Variants in TIGD1 observed in about 807,000 individuals in gnomAD.
TIGD1 encodes tigger transposable element derived 1.
TIGD1 carries 20 observed loss-of-function variants against 21.3 expected under a neutral mutation model. The observed-to-expected ratio is 0.94, with a 90% CI of 0.66 to 1.36. The LOEUF (loss-of-function observed/expected upper bound fraction) is 1.36. Ranked by LOEUF, TIGD1 falls within the 40% of genes most tolerant of loss-of-function variation. The probability of loss-of-function intolerance (pLI) is 0.00; values close to 1 mark genes in which losing one functional copy is unlikely to be tolerated. For missense variants in TIGD1, 556 were observed against 350.5 expected (o/e 1.59, Z -4.68); for synonymous variants, 177 against 123.2 (o/e 1.44, Z -2.89).
chr2:232,548,048 A>G lies in TIGD1; in HGVS notation c.*59T>C. On this transcript the variant is annotated 3_prime_UTR_variant, in exon 1 of 1. Transcript: ENST00000408957. ...CAGCAAGAGTGCAATAGCATTGTCT[A>G]ATAAAACAATATACATACCTAAATT... is the stretch of plus-strand genomic sequence containing the variant. 1 of 569,460 alleles carries G rather than the reference A, an allele frequency of 1.8e-6. No individual in the cohort carries two copies. The highest frequency in any genetic ancestry group is 3.1e-6 in the Non-Finnish European group (1 of 325,748). The allele number at this position is 569,460 out of a possible 1,614,324, so 35.3% of individuals were successfully genotyped here.
chr2:232,550,380 T>C lies in TIGD1; in HGVS notation c.-498A>G, dbSNP rs1692256966. ...CCGCACTGGAGGAAGAGGAAGGTTT[T>C]TACCAAGCAGCGAGTCCAGAGCCCG... On this transcript the variant is annotated 5_prime_UTR_variant, in exon 1 of 1. Transcript: ENST00000408957. The C allele has an allele frequency of 6.6e-6, 3 of 455,058 alleles. No homozygotes were observed. Among genetic ancestry groups the C allele is most frequent in the Non-Finnish European group, 1.2e-5 (3 of 247,794 alleles). The allele number at this position is 455,058 out of a possible 1,614,324, so 28.2% of individuals were successfully genotyped here.
chr2:232,547,894 G>A lies in TIGD1; in HGVS notation c.*213C>T. ...TCATGGGATCCATACAGCAACCTAA[G>A]GAGGTAGGTCGAGGCATACCTCAAA... On this transcript the variant is annotated 3_prime_UTR_variant, in exon 1 of 1. Transcript: ENST00000408957. 2.4e-6 allele frequency: 1 copy of A among 411,146 alleles called. No individual in the cohort carries two copies. Among genetic ancestry groups the A allele is most frequent in the Non-Finnish European group, 4.3e-6 (1 of 234,662 alleles). The allele number at this position is 411,146 out of a possible 1,614,324, so 25.5% of individuals were successfully genotyped here.
Position 232,550,027 on chromosome 2 carries a change from C to T in TIGD1, c.-145G>A. 3 of 517,660 alleles carry T rather than the reference C, an allele frequency of 5.8e-6. No homozygotes were observed. The highest frequency in any genetic ancestry group is 3.2e-5 in the East Asian group (1 of 31,046). 32.1% of individuals were successfully genotyped at this position (517,660 alleles called of 1,614,324 possible). Reference sequence around the variant, plus strand: ...ATTAAGTTCCACGTCTTATAAAAGACGCTGTATGTGGCACCCCAAAACAAT... The same window carrying T: ...ATTAAGTTCCACGTCTTATAAAAGATGCTGTATGTGGCACCCCAAAACAAT... On this transcript the variant is annotated 5_prime_UTR_variant, in exon 1 of 1. Coordinates refer to ENST00000408957, the MANE Select transcript of TIGD1 (RefSeq NM_145702.4).
Position 232,549,117 on chromosome 2 carries a change from G to A in TIGD1, c.766C>T (p.Pro256Ser). ...TTGCTGTTCCATTTATATAGCACGG[G>A]TAGAGTAGATTTAGTATAATTCTTA... ...ALKNYTKSTLPVLYKWNSKAR... is the reference protein window; with the variant it reads ...ALKNYTKSTLSVLYKWNSKAR... The change falls in exon 1 of 1, where the codon CCC (proline) becomes TCC (serine). Residue 256 changes from proline to serine, a missense_variant. By Grantham distance (74) the Pro-to-Ser change is moderately conservative (BLOSUM62 -1). Transcript: ENST00000408957. The A allele has an allele frequency of 1.4e-6, 1 of 716,070 alleles. No homozygotes were observed. Among genetic ancestry groups the A allele is most frequent in the Non-Finnish European group, 2.6e-6 (1 of 384,812 alleles). 44.4% of individuals were successfully genotyped at this position (716,070 alleles called of 1,614,324 possible). A position where few individuals can be genotyped will look rare whatever the true frequency, so the allele number is the denominator to read the frequency against.
chr2:232,546,308 CTTTTTTTTTT>C lies in TIGD1; in HGVS notation c.*1789_*1798del, dbSNP rs57021172. On this transcript the variant is annotated 3_prime_UTR_variant, in exon 1 of 1. Coordinates refer to ENST00000408957, the MANE Select transcript of TIGD1 (RefSeq NM_145702.4). ...ACGATTTCCTGAGTTTTGTAATCCTCTTTTTTTTTTTTTTTTTTTTAGTTTTTGATGTGTT... is the reference window on the plus strand; with the variant it reads ...ACGATTTCCTGAGTTTTGTAATCCTCTTTTTTTTTTAGTTTTTGATGTGTT... 2 of 94,708 alleles carry C rather than the reference CTTTTTTTTTT, an allele frequency of 2.1e-5. No individual in the cohort carries two copies. The highest frequency in any genetic ancestry group is 7.7e-5 in the African/African-American group (2 of 26,116). 5.9% of individuals were successfully genotyped at this position (94,708 alleles called of 1,614,324 possible). A position where few individuals can be genotyped will look rare whatever the true frequency, so the allele number is the denominator to read the frequency against.
At position 232,549,663 on chromosome 2, in the gene TIGD1, T is replaced by G. The variant is rs1263394089; in HGVS notation, c.220A>C (p.Lys74Gln). ...ATPMNTRMIR[K>Q]RNSLIADMEK... ...ATATCAGCAATAAGGCTGTTTCGCT[T>G]TCTTATCATTCGTGTGTTCATTGGA... The change falls in exon 1 of 1, where the codon AAG becomes CAG. Residue 74 changes from lysine to glutamine, a missense_variant. Physicochemically the swap from Lys to Gln is moderately conservative, Grantham distance 53 (BLOSUM62 1). Coordinates refer to ENST00000408957, the MANE Select transcript of TIGD1 (RefSeq NM_145702.4). 1 of 727,006 alleles carries G rather than the reference T, an allele frequency of 1.4e-6. No individual in the cohort carries two copies. The highest frequency in any genetic ancestry group is 2.5e-6 in the Non-Finnish European group (1 of 396,304). 45.0% of individuals were successfully genotyped at this position (727,006 alleles called of 1,614,324 possible). A position where few individuals can be genotyped will look rare whatever the true frequency, so the allele number is the denominator to read the frequency against.
Position 232,547,271 on chromosome 2 carries a change from A to G in TIGD1, c.*836T>C, listed in dbSNP as rs1424952213. ...GCCTCTACCAAAAAATACAAAACTT[A>G]GCTGGGCGTGGTGATGCATGCCTGT... On this transcript the variant is annotated 3_prime_UTR_variant, in exon 1 of 1. Coordinates refer to ENST00000408957, the MANE Select transcript of TIGD1 (RefSeq NM_145702.4). 6.6e-6 allele frequency among the ~76,000 whole-genome samples: 1 copy of G among 152,016 alleles called. No homozygotes were observed. Among genetic ancestry groups the G allele is most frequent in the Non-Finnish European group, 1.5e-5 (1 of 68,014 alleles).
rs4973541 is a variant in TIGD1 at position 232,549,950 on chromosome 2, G to A, written c.-68C>T. 175,080 of 883,264 alleles carry A rather than the reference G, an allele frequency of 0.2. 17,959 individuals are homozygous for A. Among genetic ancestry groups the A allele is most frequent in the Middle Eastern group, 0.25 (705 of 2,848 alleles). 54.7% of individuals were successfully genotyped at this position (883,264 alleles called of 1,614,324 possible). Reference sequence around the variant, plus strand: ...CAGGGAATAGGGAGGCCCAAGAAGAGGGAGAGAGATGGGGAACGGTCTGTG... The same window carrying A: ...CAGGGAATAGGGAGGCCCAAGAAGAAGGAGAGAGATGGGGAACGGTCTGTG... On this transcript the variant is annotated 5_prime_UTR_variant, in exon 1 of 1. Transcript: ENST00000408957.
Position 232,548,210 on chromosome 2 carries a change from G to C in TIGD1, c.1673C>G (p.Pro558Arg). ...MSYFRKLPQPPQPSAATTLTS... is the reference protein window; with the variant it reads ...MSYFRKLPQPRQPSAATTLTS... ...CAGGGTGGTGGCTGCTGAAGGTTGG[G>C]GTGGCTGTGGCAATTTCCTAAAATA... is the stretch of plus-strand genomic sequence containing the variant. Residue 558 changes from proline to arginine, a missense_variant, in exon 1 of 1, where the codon CCC becomes CGC. By Grantham distance (103) the Pro-to-Arg change is moderately radical (BLOSUM62 -2). Transcript: ENST00000408957. 1 of 1,540,264 alleles carries C rather than the reference G, an allele frequency of 6.5e-7. No homozygotes were observed. The highest frequency in any genetic ancestry group is 8.7e-7 in the Non-Finnish European group (1 of 1,145,942).
In TIGD1 at chr2:232,550,511, A is replaced by C. The variant is rs1366442299; in HGVS notation, c.-629T>G. The stretch of plus-strand genomic sequence containing the variant: ...GGGTCACAAGGACCTGGACAGAGGC[A>C]GAACTGAGGCCAGCAGCCAGCTCCG... On this transcript the variant is annotated 5_prime_UTR_variant, in exon 1 of 1. Transcript: ENST00000408957. The C allele has an allele frequency of 3.3e-6, 2 of 614,202 alleles. No individual in the cohort carries two copies. The highest frequency in any genetic ancestry group is 3.2e-5 in the Admixed American group (1 of 30,870). 38.0% of individuals were successfully genotyped at this position (614,202 alleles called of 1,614,324 possible). A position where few individuals can be genotyped will look rare whatever the true frequency, so the allele number is the denominator to read the frequency against.
Position 232,546,037 on chromosome 2 carries a change from G to C in TIGD1, c.*2070C>G. The C allele has an allele frequency of 2.2e-6, 1 of 457,372 alleles. No individual in the cohort carries two copies. The highest frequency in any genetic ancestry group is 2.0e-5 in the South Asian group (1 of 49,162). The allele number at this position is 457,372 out of a possible 1,614,324, so 28.3% of individuals were successfully genotyped here. A position where few individuals can be genotyped will look rare whatever the true frequency, so the allele number is the denominator to read the frequency against. On this transcript the variant is annotated 3_prime_UTR_variant, in exon 1 of 1. Coordinates refer to ENST00000408957, the MANE Select transcript of TIGD1 (RefSeq NM_145702.4). ...CATTATTCATTCCCATCAGTCTGAA[G>C]CCCGAAGGACTGTTTTGTATAATAC...
rs1051159388 is a variant in TIGD1 at position 232,549,544 on chromosome 2, G to A, written c.339C>T (p.Phe113=). The change falls in exon 1 of 1, where the codon TTC becomes TTT. Residue 113 remains phenylalanine (F), a synonymous_variant. Transcript: ENST00000408957. ...SLIQNKALTL[F]NSMKAERGVE... is the part of the protein sequence containing the mutation. ...CACCTCTCTCAGCTTTCATAGAGTT[G>A]AAGAGAGTTAGGGCTTTGTTCTGGA... 1 of 674,098 alleles carries A rather than the reference G, an allele frequency of 1.5e-6. No individual in the cohort carries two copies. Among genetic ancestry groups the A allele is most frequent in the East Asian group, 2.7e-5 (1 of 37,218 alleles). 41.8% of individuals were successfully genotyped at this position (674,098 alleles called of 1,614,324 possible). A position where few individuals can be genotyped will look rare whatever the true frequency, so the allele number is the denominator to read the frequency against.
At position 232,544,992 on chromosome 2, in the gene TIGD1, G is replaced by C; in HGVS notation, c.*3115C>G. ...AGGATGAGTGGGGTTGCCAAGATAG[G>C]GCAGTGGGATGGAAAAACATGAGGC... On this transcript the variant is annotated 3_prime_UTR_variant, in exon 1 of 1. Coordinates refer to ENST00000408957, the MANE Select transcript of TIGD1 (RefSeq NM_145702.4). 6.4e-7 allele frequency: 1 copy of C among 1,551,562 alleles called. No individual in the cohort carries two copies.
rs746328706 is a variant in TIGD1, at chr2:232,545,512, T to C, written c.*2595A>G. 9 of 1,607,412 alleles carry C rather than the reference T, an allele frequency of 5.6e-6. No homozygotes were observed. Among genetic ancestry groups the C allele is most frequent in the Non-Finnish European group, 7.6e-6 (9 of 1,176,654 alleles). ...CCCAGGGAAGACCTGGTGCCGCCGC[T>C]GGTTATCCCACACCTGCCTCCCACC... On this transcript the variant is annotated 3_prime_UTR_variant, in exon 1 of 1. Transcript: ENST00000408957.
rs1023305722 is a variant in TIGD1 at position 232,549,694 on chromosome 2, A to G, written c.189T>C (p.Ser63=). 1 of 770,214 alleles carries G rather than the reference A, an allele frequency of 1.3e-6. No homozygotes were observed. Among genetic ancestry groups the G allele is most frequent in the Non-Finnish European group, 2.3e-6 (1 of 434,262 alleles). The allele number at this position is 770,214 out of a possible 1,614,324, so 47.7% of individuals were successfully genotyped here. A position where few individuals can be genotyped will look rare whatever the true frequency, so the allele number is the denominator to read the frequency against. Residue 63 remains serine (S), a synonymous_variant, in exon 1 of 1, where the codon AGT becomes AGC. Transcript: ENST00000408957. ...AKEKFLKEVK[S]ATPMNTRMIR... is the part of the protein sequence containing the mutation. ...TCATTCGTGTGTTCATTGGAGTAGC[A>G]CTTTTAACTTCCTTCAAGAACTTTT... is the stretch of plus-strand genomic sequence containing the variant.
chr2:232,549,877 G>T lies in TIGD1; in HGVS notation c.6C>A (p.Ala2=), dbSNP rs1574651677. 2.7e-6 allele frequency: 4 copies of T among 1,460,710 alleles called. No homozygotes were observed. Among genetic ancestry groups the T allele is most frequent in the Non-Finnish European group, 3.7e-6 (4 of 1,088,084 alleles). 90.5% of individuals were successfully genotyped at this position (1,460,710 alleles called of 1,614,324 possible). A position where few individuals can be genotyped will look rare whatever the true frequency, so the allele number is the denominator to read the frequency against. The change falls in exon 1 of 1, where the codon GCC becomes GCA. Residue 2 remains alanine, a synonymous_variant. Transcript: ENST00000408957. ...TCTTCCTTTCACTTGAGCACTTAGA[G>T]GCCATTGCAGAGTCATTAATTCGCC... The part of the protein sequence containing the change: M[A]SKCSSERKSR...
In TIGD1 at chr2:232,550,498, C is replaced by A; in HGVS notation, c.-616G>T. ...TAGGAGAGCGGGCGGGTCACAAGGA[C>A]CTGGACAGAGGCAGAACTGAGGCCA... On this transcript the variant is annotated 5_prime_UTR_variant, in exon 1 of 1. Transcript: ENST00000408957. The A allele has an allele frequency of 1.7e-6, 1 of 592,024 alleles. No homozygotes were observed. The highest frequency in any genetic ancestry group is 3.0e-6 in the Non-Finnish European group (1 of 333,756). The allele number at this position is 592,024 out of a possible 1,614,324, so 36.7% of individuals were successfully genotyped here. A position where few individuals can be genotyped will look rare whatever the true frequency, so the allele number is the denominator to read the frequency against.
rs149874341 is a variant in TIGD1, at chr2:232,545,062, C to A, written c.*3045G>T. Among the ~76,000 whole-genome samples, 2 of 151,932 alleles carry A rather than the reference C, an allele frequency of 1.3e-5. No individual in the cohort carries two copies. Among genetic ancestry groups the A allele is most frequent in the African/African-American group, 4.8e-5 (2 of 41,384 alleles). ...CTGTAATCCCAGTACTTTGGGAGGC[C>A]GAGGCGAGTGGATCACCTGAGGTCA... On this transcript the variant is annotated 3_prime_UTR_variant, in exon 1 of 1. Coordinates refer to ENST00000408957, the MANE Select transcript of TIGD1 (RefSeq NM_145702.4).
In TIGD1 at chr2:232,549,264, T is replaced by C. The variant is rs1392121720; in HGVS notation, c.619A>G (p.Lys207Glu). ...PSRTFIAREE[K>E]SVPGFKASKD... ...GAAGCTTTGAAGCCAGGCACTGACT[T>C]CTCCTCTCTAGCTATGAAAGTTCTA... The change falls in exon 1 of 1, where the codon AAG becomes GAG. Residue 207 changes from lysine (K) to glutamate (E), a missense_variant. Coordinates refer to ENST00000408957, the MANE Select transcript of TIGD1 (RefSeq NM_145702.4). 1.7e-5 allele frequency: 11 copies of C among 665,772 alleles called. No homozygotes were observed. The highest frequency in any genetic ancestry group is 3.0e-5 in the Non-Finnish European group (11 of 368,704). 41.2% of individuals were successfully genotyped at this position (665,772 alleles called of 1,614,324 possible).
Sources: gnomAD v4.1 joint callset for allele counts (sites outside exome capture counted in the v4.1 genomes callset) on GRCh38, gnomAD v4.1.1 for gene constraint, MANE v1.5 for transcripts, NCBI Gene and HGNC (gene_info 2026-07-23, HGNC 2026-07-21) for gene names.